The following GOLGA4 variants were observed in gnomAD, a reference collection of about 807,000 sequenced individuals.
The protein encoded by GOLGA4 is golgin subfamily A member 4.
GOLGA4 carries 169 observed loss-of-function variants against 265.9 expected under a neutral mutation model. The ratio of observed to expected loss-of-function variants is 0.64; its 90% CI spans 0.56 to 0.72. GOLGA4 has a LOEUF of 0.72. Ranked by LOEUF, GOLGA4 falls within the 30% of genes least tolerant of loss-of-function variation. The pLI is 0.00. For synonymous variants in GOLGA4, 923 were observed against 855.8 expected (o/e 1.08, Z -1.37); for missense variants, 2,482 against 2,483.4 (o/e 1.00, Z 0.01).
chr3:37,262,778 A>G (rs1054199707), intron 2 of GOLGA4, among the ~76,000 whole-genome samples: 1 of 152,172 alleles, frequency 6.6e-6, no homozygotes, highest in African/African-American at 2.4e-5. Flanking sequence ...CAGACAAAAA[A>G]TACTGAGTAA....
At chr3:37,349,917 A>G (rs1381413626) in intron 21 of GOLGA4, among the ~76,000 whole-genome samples, 4 of 152,190 alleles carry the variant, frequency 2.6e-5, no homozygotes, top group Non-Finnish European at 4.4e-5. Flanking sequence ...TATATATAGT[A>G]CATACGTTCT....
At chr3:37,248,913 T>A (rs977843890) in intron 1 of GOLGA4, among the ~76,000 whole-genome samples, 1 of 152,204 alleles carries the variant, frequency 6.6e-6, no homozygotes, top group Non-Finnish European at 1.5e-5. Context: ...GCTGAATTAA[T>A]AACCCAGAGA....
At chr3:37,314,644 C>CACACACAT (rs2096932323) in intron 10 of GOLGA4, among the ~76,000 whole-genome samples, 1 of 49,836 alleles carries the variant, frequency 2.0e-5, no homozygotes, top group Non-Finnish European at 5.0e-5. Context: ...CCGTCTCAAA[C>CACACACAT]ACACACACAC....
At chr3:37,339,332 C>T (rs2097025100) in intron 19 of GOLGA4, among the ~76,000 whole-genome samples, 1 of 152,118 alleles carries the variant, frequency 6.6e-6, no homozygotes, top group Admixed American at 6.5e-5. Flanking sequence ...TTTCCTTTTG[C>T]CTATAGTGAA....
Position 37,245,771 on chromosome 3 carries a change from C to T in GOLGA4, c.72+2149C>T, listed in dbSNP as rs564859427. On this transcript the variant is annotated intron_variant, in intron 1 of 23. Transcript: ENST00000361924. ...ATTATATGTATATTCACTATGTTGGCCAGGCTGGTCTCCAACTCCGGACCT... is the reference window on the plus strand; with the variant it reads ...ATTATATGTATATTCACTATGTTGGTCAGGCTGGTCTCCAACTCCGGACCT... 5.3e-5 allele frequency among the ~76,000 whole-genome samples: 8 copies of T among 152,110 alleles called. No homozygotes were observed. The South Asian group carries it at 1.7e-3, about 32-fold the overall frequency.
intron 14 of GOLGA4, 64 bp downstream of exon 14, chr3:37,327,889 G>A (rs545089648): frequency 2.7e-5 from 34 of 1,274,630 alleles, no homozygotes; most frequent in Non-Finnish European, 2.4e-5. Flanking sequence ...TCCTTTTTTT[G>A]TGCCTAATAC....
chr3:37,280,107 A>G (rs1465061339), intron 2 of GOLGA4, among the ~76,000 whole-genome samples: 3 of 152,208 alleles, frequency 2.0e-5, no homozygotes, highest in Non-Finnish European at 4.4e-5. Flanking sequence ...GCTGTTGCTT[A>G]ACAGCTATTA....
intron 14 of GOLGA4, 103 bp from the exon 15 acceptor site, chr3:37,328,313 C>G: frequency 9.4e-7 from 1 of 1,066,976 alleles, no homozygotes; most frequent in Non-Finnish European, 1.4e-6. Context: ...AAAATGTTTT[C>G]ATACAATGAA....
chr3:37,322,198 G>A (rs1189766327), intron 13 of GOLGA4, among the ~76,000 whole-genome samples: 1 of 152,052 alleles, frequency 6.6e-6, no homozygotes, highest in Non-Finnish European at 1.5e-5. Context: ...GGCTCATTTT[G>A]TAGGCAATAC....
chr3:37,275,459 A>G (rs920321210), intron 2 of GOLGA4, among the ~76,000 whole-genome samples: 2 of 152,166 alleles, frequency 1.3e-5, no homozygotes, highest in South Asian at 2.1e-4. Context: ...GCCATGAAGT[A>G]GGGGTAAAAT....
At chr3:37,243,693 G>T (rs1038633361) in intron 1 of GOLGA4, 71 bp downstream of exon 1, 98 of 1,276,236 alleles carry the variant, frequency 7.7e-5, no homozygotes, top group Middle Eastern at 7.0e-4. Flanking sequence ...GAAAGAGGCG[G>T]GGGGAGTGGG....
chr3:37,324,816 A>G lies in GOLGA4; in HGVS notation c.2930A>G (p.Gln977Arg). 3.2e-6 allele frequency: 5 copies of G among 1,585,852 alleles called. No individual in the cohort carries two copies. The highest frequency in any genetic ancestry group is 4.3e-6 in the Non-Finnish European group (5 of 1,173,148). Residue 977 changes from glutamine (Q) to arginine (R), a missense_variant, in exon 14 of 24, where the codon CAG becomes CGG. Physicochemically the swap from Gln to Arg is conservative, Grantham distance 43. This residue lies in a region of GOLGA4 where 1,536 missense variants were observed against 1,483.7 expected (regional missense o/e 1.04). Coordinates refer to ENST00000361924, the MANE Select transcript of GOLGA4 (RefSeq NM_002078.5). ...QETLKKKLLD[Q>R]EAKLKKELEN... ...ACGTTAAAGAAAAAATTACTGGATC[A>G]GGAAGCCAAACTTAAGAAAGAGCTT...
chr3:37,276,281 A>G, intron 2 of GOLGA4: 4 of 1,580,628 alleles, frequency 2.5e-6, no homozygotes, highest in South Asian at 1.1e-5. Context: ...TAGGATATCA[A>G]ATCTTAAAGA....
Position 37,296,092 on chromosome 3 carries a change from T to C in GOLGA4, c.687T>C (p.Ser229=). 6.2e-7 allele frequency: 1 copy of C among 1,613,688 alleles called. No individual in the cohort carries two copies. The highest frequency in any genetic ancestry group is 1.7e-5 in the Admixed American group (1 of 60,026). ...ATGAAGCACATTTATATTAGGTTTC[T>C]CTACTGAAACAACGATTACGAAATG... ...QYISVLQTQV[S]LLKQRLRNGP... Residue 229 remains serine, a synonymous_variant, in exon 7 of 24, where the codon TCT becomes TCC. Coordinates refer to ENST00000361924, the MANE Select transcript of GOLGA4 (RefSeq NM_002078.5).
At chr3:37,292,634 C>T (rs1026496083) in intron 5 of GOLGA4, among the ~76,000 whole-genome samples, 9 of 152,086 alleles carry the variant, frequency 5.9e-5, no homozygotes. Flanking sequence ...TGGCAGTGAG[C>T]CTAGATCGCA....
intron 3 of GOLGA4, among the ~76,000 whole-genome samples, chr3:37,284,148 A>G (rs755355272): frequency 4.0e-5 from 6 of 151,694 alleles, no homozygotes; most frequent in Non-Finnish European, 7.4e-5. Context: ...TTCTTGGGTT[A>G]CTCTTCCACA....
chr3:37,282,674 A>G (rs532697952), intron 3 of GOLGA4, among the ~76,000 whole-genome samples: 7 of 152,178 alleles, frequency 4.6e-5, no homozygotes, highest in Non-Finnish European at 1.0e-4. Context: ...TGAGAGTCCC[A>G]TTATTACTGA....
intron 16 of GOLGA4, among the ~76,000 whole-genome samples, chr3:37,333,996 T>A (rs2097000476): frequency 6.6e-6 from 1 of 152,250 alleles, no homozygotes; most frequent in Non-Finnish European, 1.5e-5. Context: ...TGTTTGTGGT[T>A]ATTTTTCCTG....
intron 10 of GOLGA4, 42 bp from the exon 11 acceptor site, chr3:37,315,378 A>G (rs1423764511): frequency 1.3e-6 from 2 of 1,518,124 alleles, no homozygotes; most frequent in Non-Finnish European, 9.0e-7. Flanking sequence ...GCTCAATGAT[A>G]ATATTTCTTG....
Sources: allele counts gnomAD v4.1 joint callset (sites outside exome capture counted in the v4.1 genomes callset), GRCh38; gene constraint gnomAD v4.1.1; regional missense constraint gnomAD v4.1.1; transcripts MANE v1.5; gene names NCBI Gene and HGNC (gene_info 2026-07-23, HGNC 2026-07-21).